Variants in CTIF observed in about 807,000 individuals in gnomAD.
The protein encoded by CTIF is CBP80/20-dependent translation initiation factor.
Under a neutral mutation model 66.0 loss-of-function variants are expected in CTIF, and 21 were observed. That is an observed-to-expected ratio of 0.32 (90% CI 0.23 to 0.46). CTIF has a LOEUF of 0.46. Among genes scored for constraint, CTIF ranks in the 20% least tolerant of loss-of-function variants. The pLI is 1.00. For missense variants in CTIF, 739 were observed against 812.7 expected, an observed-to-expected ratio of 0.91 and a Z score of 1.10; for synonymous variants, 345 against 326.4, an observed-to-expected ratio of 1.06 and a Z score of -0.62.
intron 7 of CTIF, among the ~76,000 whole-genome samples, chr18:48,757,371 G>C (rs377012179): frequency 9.9e-5 from 15 of 151,970 alleles, no homozygotes; most frequent in African/African-American, 3.6e-4. Context: ...TGTGGGTTTG[G>C]GGGTGAAAAT....
intron 7 of CTIF, among the ~76,000 whole-genome samples, chr18:48,728,962 C>T (rs188462107): frequency 2.0e-5 from 3 of 152,076 alleles, no homozygotes; most frequent in Admixed American, 6.6e-5. Context: ...ATTGCTTTTT[C>T]CCCCCACTTT....
intron 9 of CTIF, among the ~76,000 whole-genome samples, chr18:48,816,300 A>G (rs1321480529): frequency 6.6e-6 from 1 of 152,240 alleles, no homozygotes; most frequent in Non-Finnish European, 1.5e-5. Flanking sequence ...ACATATGGCC[A>G]AAACCAAAGA....
chr18:48,685,316 G>A (rs777186251), intron 6 of CTIF, among the ~76,000 whole-genome samples: 45 of 152,030 alleles, frequency 3.0e-4, no homozygotes, highest in East Asian at 5.8e-4. Flanking sequence ...TCCGCCTCCC[G>A]GGTTCAAGTG....
At chr18:48,838,267 C>T (rs549974341) in intron 10 of CTIF, among the ~76,000 whole-genome samples, 14 of 152,332 alleles carry the variant, frequency 9.2e-5, no homozygotes, top group East Asian at 1.9e-4. Context: ...GGTAGACTCA[C>T]ATAGGAGCTG....
intron 1 of CTIF, among the ~76,000 whole-genome samples, chr18:48,603,232 AGATT>A: frequency 8.1e-6 from 1 of 123,914 alleles, no homozygotes; most frequent in East Asian, 2.8e-4. Context: ...GTGGGTGGGT[AGATT>A]GATGGATGGA....
In CTIF at chr18:48,784,108, T is replaced by C. The variant is rs56778549; in HGVS notation, c.1371+22419T>C. On this transcript the variant is annotated intron_variant, in intron 9 of 11. Coordinates refer to ENST00000256413, the MANE Select transcript of CTIF (RefSeq NM_014772.3). ...GAAAAGGAGGTCCCCTCTCCTGCCATTGGGCATCTCCTAATCTGGTGGGGA... is the reference window on the plus strand; with the variant it reads ...GAAAAGGAGGTCCCCTCTCCTGCCACTGGGCATCTCCTAATCTGGTGGGGA... 8.1e-3 allele frequency among the ~76,000 whole-genome samples: 1,233 copies of C among 152,308 alleles called. 12 individuals carry two copies. The highest frequency in any genetic ancestry group is 0.028 in the African/African-American group (1,167 of 41,564).
chr18:48,859,151 T>C (rs1269284301), intron 11 of CTIF, among the ~76,000 whole-genome samples, 193 bp from the exon 12 acceptor site: 2 of 152,182 alleles, frequency 1.3e-5, no homozygotes, highest in Non-Finnish European at 2.9e-5. Flanking sequence ...GATTGGTTGG[T>C]AAATGTGAGC....
chr18:48,682,491 T>C (rs1365891699), intron 6 of CTIF, among the ~76,000 whole-genome samples: 1 of 152,216 alleles, frequency 6.6e-6, no homozygotes, highest in African/African-American at 2.4e-5. Flanking sequence ...CCCTCTGTGA[T>C]ACTGATGCGT....
intron 1 of CTIF, among the ~76,000 whole-genome samples, chr18:48,541,507 C>T (rs2088619863): frequency 6.6e-6 from 1 of 152,244 alleles, no homozygotes; most frequent in South Asian, 2.1e-4. Context: ...CCTCAGGAAT[C>T]CAGGCTCCTA....
At chr18:48,762,726 G>A (rs1263521633) in intron 9 of CTIF, among the ~76,000 whole-genome samples, 1 of 152,206 alleles carries the variant, frequency 6.6e-6, no homozygotes, top group Non-Finnish European at 1.5e-5. Flanking sequence ...AAGTCAAAGG[G>A]GGTTCAGTTC....
chr18:48,647,964 G>A (rs1188283981), intron 3 of CTIF, among the ~76,000 whole-genome samples: 1 of 152,192 alleles, frequency 6.6e-6, no homozygotes, highest in African/African-American at 2.4e-5. Context: ...GTGTTGGAAT[G>A]GGGGGTGTTG....
intron 7 of CTIF, among the ~76,000 whole-genome samples, chr18:48,729,895 A>C (rs757050811): frequency 2.6e-5 from 4 of 152,208 alleles, no homozygotes; most frequent in Admixed American, 1.3e-4. Context: ...GATGGACAGA[A>C]GAGGACTCCT....
intron 9 of CTIF, among the ~76,000 whole-genome samples, chr18:48,794,948 G>A (rs1396908846): frequency 6.6e-6 from 1 of 152,132 alleles, no homozygotes; most frequent in Non-Finnish European, 1.5e-5. Context: ...GGGTCAGGGT[G>A]GGTGAGTAGA....
chr18:48,656,820 G>C (rs2091254438), intron 3 of CTIF, among the ~76,000 whole-genome samples: 1 of 152,322 alleles, frequency 6.6e-6, no homozygotes, highest in African/African-American at 2.4e-5. Context: ...GCAGGGCCTG[G>C]ATGCTGTCAG....
At chr18:48,817,049 G>T (rs1020924426) in intron 9 of CTIF, among the ~76,000 whole-genome samples, 172 bp from the exon 10 acceptor site, 1 of 152,160 alleles carries the variant, frequency 6.6e-6, no homozygotes, top group African/African-American at 2.4e-5. Flanking sequence ...CCCAGGTCAG[G>T]GTGGTCCCAG....
chr18:48,798,701 T>A (rs2067984195), intron 9 of CTIF, among the ~76,000 whole-genome samples: 1 of 152,232 alleles, frequency 6.6e-6, no homozygotes, highest in Admixed American at 6.5e-5. Flanking sequence ...CTCTGGATCT[T>A]GCTGTGTCCT....
At position 48,619,554 on chromosome 18, in the gene CTIF, T is replaced by C. The variant is rs1464608858; in HGVS notation, c.-12T>C. The C allele has an allele frequency of 1.3e-6, 2 of 1,511,272 alleles. No homozygotes were observed. The highest frequency in any genetic ancestry group is 2.4e-5 in the East Asian group (1 of 40,890). The allele number at this position is 1,511,272 out of a possible 1,614,324, so 93.6% of individuals were successfully genotyped here. On this transcript the variant is annotated 5_prime_UTR_variant, in exon 2 of 12. Transcript: ENST00000256413. ...TCCCACCAGTCCCGGCCCAGGCCCC[T>C]GAGCTGGAGGGATGGAAAACTCCTC...
chr18:48,735,004 C>T (rs1008338749), intron 7 of CTIF, among the ~76,000 whole-genome samples: 9 of 152,120 alleles, frequency 5.9e-5, no homozygotes, highest in African/African-American at 2.2e-4. Flanking sequence ...CACATGTATG[C>T]ATGCATATTG....
intron 6 of CTIF, among the ~76,000 whole-genome samples, chr18:48,675,153 C>CG (rs1244167212): frequency 3.1e-5 from 1 of 32,646 alleles, no homozygotes; most frequent in East Asian, 0.12. Context: ...AGCCATAGGG[C>CG]AGGCAGACAC....
Sources: allele counts gnomAD v4.1 joint callset (sites outside exome capture counted in the v4.1 genomes callset), GRCh38; gene constraint gnomAD v4.1.1; transcripts MANE v1.5; gene names NCBI Gene and HGNC (gene_info 2026-07-23, HGNC 2026-07-21).